Variants in AK9 observed in about 807,000 individuals in gnomAD.
AK9 encodes the protein adenylate kinase domain containing 1.
Under a neutral mutation model 239.6 loss-of-function variants are expected in AK9, and 191 were observed. That is an observed-to-expected ratio of 0.80 (90% confidence interval 0.71 to 0.90). The LOEUF is 0.90. AK9 is among the 40% of genes least tolerant of loss of function. The pLI, the probability that AK9 is intolerant of heterozygous loss-of-function variation, is 0.00. For synonymous variants in AK9, 689 were observed against 721.0 expected (o/e 0.96, Z 0.71); for missense variants, 1,995 against 2,214.7 (o/e 0.90, Z 1.99).
At position 109,643,026 on chromosome 6, in the gene AK9, C is replaced by T. The variant is rs117701864; in HGVS notation, c.835-1410G>A. ...CAGAGAAGGGCTCATGCCTTGTGAA[C>T]TCTGGGGTCCTGCAACACTGCAGGT... On this transcript the variant is annotated intron_variant, in intron 9 of 40. Transcript: ENST00000424296. 2.5e-4 allele frequency among the ~76,000 whole-genome samples: 38 copies of T among 152,232 alleles called. No individual in the cohort carries two copies. In the East Asian group the frequency reaches 6.0e-3, roughly 24 times the overall value.
intron 21 of AK9, among the ~76,000 whole-genome samples, chr6:109,568,093 C>T (rs188921812): frequency 1.1e-3 from 173 of 152,240 alleles, no homozygotes; most frequent in Non-Finnish European, 2.1e-4. Flanking sequence ...ATCAAGTTGG[C>T]TTCATCCCTG....
intron 17 of AK9, among the ~76,000 whole-genome samples, chr6:109,600,601 T>G (rs982320504): frequency 9.9e-5 from 15 of 152,248 alleles, no homozygotes; most frequent in African/African-American, 3.6e-4. Context: ...ATAAAATGAC[T>G]TAGGGAGGAT....
At position 109,610,497 on chromosome 6, in the gene AK9, C is replaced by T. The variant is rs760801939; in HGVS notation, c.1710G>A (p.Leu570=). Residue 570 remains leucine (L), a synonymous_variant, in exon 17 of 41, where the codon TTG becomes TTA. Transcript: ENST00000424296. Reference sequence around the variant, plus strand: ...GATGATCTGCAGTTACCTCTTCTATCAAGTCTTCTGTTGGGGCTAAAGTAA... The same window carrying T: ...GATGATCTGCAGTTACCTCTTCTATTAAGTCTTCTGTTGGGGCTAAAGTAA... ...LYSDTAPTED[L]IEEVTADHPE... is the part of the protein sequence containing the mutation. 6 of 1,550,974 alleles carry T rather than the reference C, an allele frequency of 3.9e-6. No homozygotes were observed. Among genetic ancestry groups the T allele is most frequent in the Non-Finnish European group, 4.4e-6 (5 of 1,146,738 alleles).
chr6:109,567,854 C>T (rs1262974072), intron 21 of AK9, among the ~76,000 whole-genome samples: 3 of 145,588 alleles, frequency 2.1e-5, no homozygotes, highest in Admixed American at 1.4e-4. Flanking sequence ...GCACATTGTG[C>T]ACATGTACCC....
intron 17 of AK9, among the ~76,000 whole-genome samples, chr6:109,599,023 T>G (rs1183994592): frequency 1.3e-5 from 2 of 152,214 alleles, no homozygotes; most frequent in Non-Finnish European, 1.5e-5. Flanking sequence ...ATTCTGTAGG[T>G]TGCCTGTTCA....
At chr6:109,641,746 T>G (rs1797482370) in intron 9 of AK9, 130 bp from the exon 10 acceptor site, 1 of 693,946 alleles carries the variant, frequency 1.4e-6, no homozygotes, top group East Asian at 2.9e-5. Context: ...TTGCTTCTTC[T>G]GGCTTCTGGC....
chr6:109,654,492 C>T (rs756303314), intron 8 of AK9, among the ~76,000 whole-genome samples: 6 of 151,984 alleles, frequency 3.9e-5, no homozygotes, highest in East Asian at 1.9e-4. Context: ...CCACCATGCC[C>T]GGCTGTTTTT....
At chr6:109,581,894 T>C (rs958026462) in intron 19 of AK9, among the ~76,000 whole-genome samples, 2 of 152,216 alleles carry the variant, frequency 1.3e-5, no homozygotes, top group African/African-American at 4.8e-5. Flanking sequence ...GCTGACACTC[T>C]TATTAAGGGC....
intron 16 of AK9, among the ~76,000 whole-genome samples, chr6:109,611,408 G>A (rs905093417): frequency 2.6e-5 from 4 of 152,168 alleles, no homozygotes; most frequent in East Asian, 1.9e-4. Context: ...GCTAGAAGCC[G>A]CTAATTGTCC....
At chr6:109,596,533 T>C (rs922720550) in intron 17 of AK9, among the ~76,000 whole-genome samples, 1 of 152,190 alleles carries the variant, frequency 6.6e-6, no homozygotes. Context: ...GTGGAAAGGA[T>C]GCTGCTGCAC....
chr6:109,557,728 T>G (rs942410220), intron 24 of AK9, among the ~76,000 whole-genome samples: 3 of 152,244 alleles, frequency 2.0e-5, no homozygotes, highest in Admixed American at 2.0e-4. Context: ...AATGGGCATG[T>G]GCTCTCCTTT....
intron 20 of AK9, among the ~76,000 whole-genome samples, chr6:109,575,954 T>G (rs958680157): frequency 1.3e-5 from 2 of 152,146 alleles, no homozygotes; most frequent in African/African-American, 2.4e-5. Flanking sequence ...TTGTTTGTTT[T>G]TTTCTTTGTC....
chr6:109,634,486 C>T (rs1199078463), intron 10 of AK9, among the ~76,000 whole-genome samples: 2 of 152,184 alleles, frequency 1.3e-5, no homozygotes, highest in African/African-American at 4.8e-5. Flanking sequence ...CTGCTCCCCC[C>T]AACCCTCAGA....
intron 29 of AK9, among the ~76,000 whole-genome samples, chr6:109,518,228 C>T (rs1387814191): frequency 1.3e-5 from 2 of 152,104 alleles, no homozygotes; most frequent in Non-Finnish European, 2.9e-5. Context: ...GCCCAAGCTC[C>T]CCTTTCTCCA....
chr6:109,634,288 T>C (rs1796459037), intron 10 of AK9, among the ~76,000 whole-genome samples: 1 of 152,226 alleles, frequency 6.6e-6, no homozygotes, highest in Admixed American at 6.5e-5. Flanking sequence ...TTCTTCCACC[T>C]TCCACAATGG....
intron 12 of AK9, among the ~76,000 whole-genome samples, chr6:109,622,942 C>G (rs758084815): frequency 6.6e-6 from 1 of 152,036 alleles, no homozygotes; most frequent in Non-Finnish European, 1.5e-5. Flanking sequence ...ATGTACTTCT[C>G]CCATCCTAGG....
At chr6:109,654,409 G>A (rs949959821) in intron 8 of AK9, among the ~76,000 whole-genome samples, 2 of 151,852 alleles carry the variant, frequency 1.3e-5, no homozygotes, top group African/African-American at 2.4e-5. Flanking sequence ...TCAGCTCACC[G>A]CAACCTCTGT....
intron 12 of AK9, among the ~76,000 whole-genome samples, chr6:109,622,159 TAC>T (rs1293812072): frequency 3.4e-5 from 5 of 146,194 alleles, no homozygotes; most frequent in African/African-American, 1.2e-4. Flanking sequence ...TTATATAATA[TAC>T]ATTTTTATAT....
At chr6:109,507,877 C>T (rs1409110003) in intron 33 of AK9, among the ~76,000 whole-genome samples, 1 of 152,254 alleles carries the variant, frequency 6.6e-6, no homozygotes, top group Non-Finnish European at 1.5e-5. Flanking sequence ...AGCGGCCATA[C>T]TTCAACCACT....
Sources: gnomAD v4.1 joint callset for allele counts (sites outside exome capture counted in the v4.1 genomes callset) on GRCh38, gnomAD v4.1.1 for gene constraint, MANE v1.5 for transcripts, NCBI Gene and HGNC (gene_info 2026-07-23, HGNC 2026-07-21) for gene names.